The following INSR variants were observed in gnomAD, a reference collection of about 807,000 sequenced individuals.
The protein encoded by INSR is insulin receptor.
INSR carries 67 observed loss-of-function variants against 142.6 expected under a neutral mutation model. That is an observed-to-expected ratio of 0.47 (90% CI 0.39 to 0.58). The LOEUF is 0.58. Ranked by LOEUF, INSR falls within the 20% of genes least tolerant of loss-of-function variation. INSR has a pLI of 0.00. For synonymous variants in INSR, 756 were observed against 743.1 expected, an observed-to-expected ratio of 1.02 and a Z score of -0.28; for missense variants, 1,248 against 1,833.2, an observed-to-expected ratio of 0.68 and a Z score of 5.83.
intron 2 of INSR, among the ~76,000 whole-genome samples, chr19:7,252,034 G>A (rs1428726479): frequency 6.6e-6 from 1 of 152,148 alleles, no homozygotes; most frequent in Non-Finnish European, 1.5e-5. Context: ...AGCACTTTGG[G>A]TGGCTGAGGT....
Position 7,249,723 on chromosome 19 carries a change from T to C in INSR, c.652+17622A>G, listed in dbSNP as rs1015282355. On this transcript the variant is annotated intron_variant, in intron 2 of 21. Transcript: ENST00000302850. The stretch of plus-strand genomic sequence containing the variant: ...AAAAAAAATTAGCGGCTGGGCGCGG[T>C]GGCTCACGCCTGTAATCCCAGCACT... Among the ~76,000 whole-genome samples, 6 of 152,078 alleles carry C rather than the reference T, an allele frequency of 3.9e-5. No homozygotes were observed. The East Asian group carries it at 5.8e-4, about 15-fold the overall frequency.
intron 2 of INSR, among the ~76,000 whole-genome samples, chr19:7,206,093 C>T (rs879511724): frequency 2.6e-5 from 4 of 152,244 alleles, no homozygotes; most frequent in South Asian, 2.1e-4. Context: ...GAGGGGATGA[C>T]GCACAAAATA....
At position 7,126,669 on chromosome 19, in the gene INSR, G is replaced by A. The variant is rs377539220; in HGVS notation, c.2946-18C>T. 1 of 1,558,744 alleles carries A rather than the reference G, an allele frequency of 6.4e-7. No individual in the cohort carries two copies. Among genetic ancestry groups the A allele is most frequent in the African/African-American group, 1.4e-5 (1 of 73,764 alleles). On this transcript the variant is annotated intron_variant, in intron 15 of 21. Transcript: ENST00000302850. ...CTGGCTGCCTGGAGGAGGAAAACGA[G>A]GCACGTTAGCTTGAGATTCTCATGG...
Position 7,240,458 on chromosome 19 carries a change from T to A in INSR, c.652+26887A>T, listed in dbSNP as rs556371657. 3.3e-5 allele frequency among the ~76,000 whole-genome samples: 5 copies of A among 152,258 alleles called. No individual in the cohort carries two copies. In the East Asian group the frequency reaches 9.7e-4, roughly 29 times the overall value. The stretch of plus-strand genomic sequence containing the variant: ...TTAGCCAGGCGTGGTGGTGCACACC[T>A]GTAATCTGAGCCACTAGAGAGCAGA... On this transcript the variant is annotated intron_variant, in intron 2 of 21. Coordinates refer to ENST00000302850, the MANE Select transcript of INSR (RefSeq NM_000208.4).
At chr19:7,240,997 A>T (rs1233921220) in intron 2 of INSR, among the ~76,000 whole-genome samples, 1 of 152,134 alleles carries the variant, frequency 6.6e-6, no homozygotes, top group Non-Finnish European at 1.5e-5. Flanking sequence ...TCTGGCATTG[A>T]CGTGTGTACA....
In INSR at chr19:7,267,412, G is replaced by C. The variant is rs779769967; in HGVS notation, c.585C>G (p.Asn195Lys). The C allele has an allele frequency of 6.8e-6, 11 of 1,614,062 alleles. No homozygotes were observed. Among genetic ancestry groups the C allele is most frequent in the Non-Finnish European group, 9.3e-6 (11 of 1,180,048 alleles). Residue 195 changes from asparagine (N) to lysine (K), a missense_variant, in exon 2 of 22, where the codon AAC becomes AAG. Asn to Lys is a moderately conservative substitution (Grantham distance 94, BLOSUM62 0). This residue lies in a region of INSR where 1,069 missense variants were observed against 1,654.0 expected (regional missense o/e 0.65). Coordinates refer to ENST00000302850, the MANE Select transcript of INSR (RefSeq NM_000208.4). This position sits in a 1 kb window ranked among gnomAD's most constrained non-coding sequence, Gnocchi z 6.3. ...GCCCGTTGATGACGGTGGCGGGGCA[G>C]TTGGTCTTGCCCTTCGCGGTACCCG... ...ICPGTAKGKT[N>K]CPATVINGQF...
chr19:7,194,282 T>G (rs950154666), intron 2 of INSR, among the ~76,000 whole-genome samples: 2 of 151,940 alleles, frequency 1.3e-5, no homozygotes, highest in African/African-American at 4.8e-5. Flanking sequence ...CTGGGCGTGG[T>G]GGTAGGCACC....
At chr19:7,232,177 T>A (rs1976000439) in intron 2 of INSR, among the ~76,000 whole-genome samples, 2 of 151,758 alleles carry the variant, frequency 1.3e-5, no homozygotes, top group African/African-American at 4.8e-5. Context: ...TTGTCAAAAT[T>A]CATTGAACTC....
rs553096486 is a variant in INSR, at chr19:7,287,381, G to A, written c.100+6411C>T. 5.0e-3 allele frequency among the ~76,000 whole-genome samples: 751 copies of A among 151,306 alleles called. 5 individuals are homozygous for A. The highest frequency in any genetic ancestry group is 0.017 in the African/African-American group (702 of 41,248). On this transcript the variant is annotated intron_variant, in intron 1 of 21. Coordinates refer to ENST00000302850, the MANE Select transcript of INSR (RefSeq NM_000208.4). ...TCACCATGTTGGTCAGGCTGGTCTC[G>A]AACTCCTGACCTCAAGTGATCCACC... is the stretch of plus-strand genomic sequence containing the variant.
rs138400357 is a variant in INSR, at chr19:7,259,104, C to CTTCCTTCCTTCCTTCCTTCT, written c.652+8240_652+8241insAGAAGGAAGGAAGGAAGGAA. Among the ~76,000 whole-genome samples, 28 of 129,526 alleles carry CTTCCTTCCTTCCTTCCTTCT rather than the reference C, an allele frequency of 2.2e-4. 2 individuals are homozygous for CTTCCTTCCTTCCTTCCTTCT. Among genetic ancestry groups the CTTCCTTCCTTCCTTCCTTCT allele is most frequent in the Middle Eastern group, 4.0e-3 (1 of 248 alleles). 85.0% of individuals were successfully genotyped at this position (129,526 alleles called of 152,430 possible). A position where few individuals can be genotyped will look rare whatever the true frequency, so the allele number is the denominator to read the frequency against. On this transcript the variant is annotated intron_variant, in intron 2 of 21. Coordinates refer to ENST00000302850, the MANE Select transcript of INSR (RefSeq NM_000208.4). ...CTTTCCTTCCCGCCTTCCCTCCTTC[C>CTTCCTTCCTTCCTTCCTTCT]TTCCTTCCTTTCTTTCCTTTTATTT...
At chr19:7,199,635 G>T (rs2145040803) in intron 2 of INSR, among the ~76,000 whole-genome samples, 1 of 132,098 alleles carries the variant, frequency 7.6e-6, no homozygotes, top group South Asian at 2.4e-4. Context: ...CTGGCTTCAA[G>T]CAATCCTCCC....
intron 1 of INSR, among the ~76,000 whole-genome samples, chr19:7,288,658 G>GAAAA (rs57281993): frequency 1.0e-5 from 1 of 97,114 alleles, no homozygotes. Context: ...ATAAAAATTG[G>GAAAA]AAAAAAAAAA....
intron 2 of INSR, among the ~76,000 whole-genome samples, chr19:7,188,990 T>C (rs1426461462): frequency 6.6e-6 from 1 of 151,958 alleles, no homozygotes; most frequent in Non-Finnish European, 1.5e-5. Flanking sequence ...GATTCTTTGA[T>C]AGAGACATTT....
At position 7,280,751 on chromosome 19, in the gene INSR, G is replaced by C. The variant is rs1335988678; in HGVS notation, c.101-12855C>G. 3.3e-5 allele frequency among the ~76,000 whole-genome samples: 5 copies of C among 151,782 alleles called. No homozygotes were observed. In the East Asian group the frequency reaches 9.7e-4, roughly 29 times the overall value. ...AAACAAAAAACCCAAAAATTAGTCA[G>C]GTATTGTGGTGCACACTTATAATCC... On this transcript the variant is annotated intron_variant, in intron 1 of 21. Transcript: ENST00000302850.
At chr19:7,232,764 C>T (rs918904340) in intron 2 of INSR, among the ~76,000 whole-genome samples, 1 of 151,586 alleles carries the variant, frequency 6.6e-6, no homozygotes, top group East Asian at 2.0e-4. Context: ...GAGCCGAGAT[C>T]CCGCCACTGC....
intron 14 of INSR, among the ~76,000 whole-genome samples, chr19:7,131,122 C>T (rs937100135): frequency 6.7e-5 from 10 of 150,012 alleles, no homozygotes; most frequent in Admixed American, 2.6e-4. Context: ...TCAAGTGATC[C>T]GCCCACCTCG....
chr19:7,130,540 T>A (rs1392482011), intron 14 of INSR, among the ~76,000 whole-genome samples: 1 of 152,158 alleles, frequency 6.6e-6, no homozygotes, highest in African/African-American at 2.4e-5. Context: ...GGGTACTGTA[T>A]AATAAGTGGG....
At position 7,147,864 on chromosome 19, in the gene INSR, C is replaced by T. The variant is rs532370151; in HGVS notation, c.2267+2633G>A. Reference sequence around the variant, plus strand: ...CAAACAGGCCAAATGAGTTTATATACCAAAAAGATTATAACCAAAAAGACC... The same window carrying T: ...CAAACAGGCCAAATGAGTTTATATATCAAAAAGATTATAACCAAAAAGACC... On this transcript the variant is annotated intron_variant, in intron 11 of 21. Coordinates refer to ENST00000302850, the MANE Select transcript of INSR (RefSeq NM_000208.4). 1.1e-4 allele frequency among the ~76,000 whole-genome samples: 17 copies of T among 151,990 alleles called. No individual in the cohort carries two copies. The South Asian group carries it at 3.5e-3, about 32-fold the overall frequency.
chr19:7,255,475 C>T (rs1316557351), intron 2 of INSR, among the ~76,000 whole-genome samples: 1 of 151,764 alleles, frequency 6.6e-6, no homozygotes, highest in Non-Finnish European at 1.5e-5. Flanking sequence ...TTCATCCACC[C>T]GAATACCCTT....
Sources: gnomAD v4.1 joint callset for allele counts (sites outside exome capture counted in the v4.1 genomes callset) on GRCh38, gnomAD v4.1.1 for gene constraint, gnomAD v4.1.1 regional missense constraint, Gnocchi (gnomAD v3.1) non-coding constraint, MANE v1.5 for transcripts, NCBI Gene and HGNC (gene_info 2026-07-23, HGNC 2026-07-21) for gene names.